ABCB10: variants seen among roughly 807,000 people sequenced by gnomAD.
ABCB10 encodes ATP binding cassette subfamily B member 10.
ABCB10 carries 54 observed loss-of-function variants against 65.4 expected under a neutral mutation model. The observed-to-expected ratio is 0.83, with a 90% CI of 0.66 to 1.04. The LOEUF (loss-of-function observed/expected upper bound fraction) is 1.04. Among genes scored for constraint, ABCB10 ranks in the 50% least tolerant of loss-of-function variants. ABCB10 has a pLI of 0.00. For missense variants in ABCB10, 846 were observed against 976.6 expected (o/e 0.87, Z 1.78); for synonymous variants, 418 against 406.5 (o/e 1.03, Z -0.34).
At chr1:229,557,471 A>T (rs1663283826) in intron 1 of ABCB10, among the ~76,000 whole-genome samples, 1 of 152,252 alleles carries the variant, frequency 6.6e-6, no homozygotes, top group South Asian at 2.1e-4. Context: ...AGGCCCTTGC[A>T]TCTAAACACT....
At chr1:229,519,773 A>C (rs898925869) in intron 11 of ABCB10, among the ~76,000 whole-genome samples, 1 of 152,114 alleles carries the variant, frequency 6.6e-6, no homozygotes, top group Non-Finnish European at 1.5e-5. Context: ...TGGGCGACAG[A>C]GTGAGACTCT....
intron 1 of ABCB10, among the ~76,000 whole-genome samples, chr1:229,552,805 G>A (rs1663148551): frequency 6.6e-6 from 1 of 152,156 alleles, no homozygotes; most frequent in Non-Finnish European, 1.5e-5. Flanking sequence ...GTTTTTCAGA[G>A]AGGAATCTCG....
intron 7 of ABCB10, 52 bp downstream of exon 7, chr1:229,531,584 T>C: frequency 6.4e-7 from 1 of 1,561,594 alleles, no homozygotes; most frequent in Non-Finnish European, 8.8e-7. Flanking sequence ...CTGGTCTCAT[T>C]GTTCAAAGCC....
chr1:229,525,947 A>C lies in ABCB10; in HGVS notation c.1895T>G (p.Val632Gly). ...GTAAAGAAATGCACCTGAGAGGAGA[A>C]CACCCTTTTCTCCAACCACAGTGTT... ...GFNTVVGEKG[V>G]LLSGGQKQRI... Residue 632 changes from valine to glycine, a missense_variant, in exon 10 of 13, where the codon GTT becomes GGT. Transcript: ENST00000344517. The C allele has an allele frequency of 6.2e-7, 1 of 1,613,136 alleles. No individual in the cohort carries two copies. Among genetic ancestry groups the C allele is most frequent in the Non-Finnish European group, 8.5e-7 (1 of 1,179,538 alleles).
chr1:229,545,457 CA>C (rs1662944765), intron 3 of ABCB10, among the ~76,000 whole-genome samples: 1 of 152,126 alleles, frequency 6.6e-6, no homozygotes, highest in Admixed American at 6.6e-5. Flanking sequence ...CTGCACTGCC[CA>C]AAACGATAGC....
chr1:229,517,143 A>C lies in ABCB10; in HGVS notation c.*1036T>G, dbSNP rs1662195463. On this transcript the variant is annotated 3_prime_UTR_variant, in exon 13 of 13. Coordinates refer to ENST00000344517, the MANE Select transcript of ABCB10 (RefSeq NM_012089.3). ...TGAGACTATAAATAAAACTATAACC[A>C]TAAATAAAAGGGCTTATTAATATCT... The C allele has an allele frequency of 6.6e-6, 1 of 152,232 alleles. No homozygotes were observed. Among genetic ancestry groups the C allele is most frequent in the South Asian group, 2.1e-4 (1 of 4,832 alleles). The allele number at this position is 152,232 out of a possible 1,614,324, so 9.4% of individuals were successfully genotyped here.
chr1:229,551,340 A>G (rs527745838), intron 1 of ABCB10, among the ~76,000 whole-genome samples: 1 of 152,040 alleles, frequency 6.6e-6, no homozygotes, highest in East Asian at 1.9e-4. Flanking sequence ...CGAAGCTCCT[A>G]CCTTTCAGCA....
At chr1:229,554,439 G>C (rs994748675) in intron 1 of ABCB10, among the ~76,000 whole-genome samples, 5 of 152,234 alleles carry the variant, frequency 3.3e-5, no homozygotes, top group Non-Finnish European at 5.9e-5. Flanking sequence ...AGGGGTACCT[G>C]TCCCATGAAC....
rs1284944789 is a variant in ABCB10, at chr1:229,542,098, A to T, written c.1056+139T>A. On this transcript the variant is annotated intron_variant, in intron 4 of 12. Transcript: ENST00000344517. ...AAACAGAGTAGTTTAAGTTTCATGG[A>T]TCTTGGGGTAATTTCTAATGAAAGG... 1.0e-5 allele frequency: 12 copies of T among 1,173,568 alleles called. No individual in the cohort carries two copies. In the East Asian group the frequency reaches 2.6e-4, roughly 26 times the overall value. 72.7% of individuals were successfully genotyped at this position (1,173,568 alleles called of 1,614,324 possible). A position where few individuals can be genotyped will look rare whatever the true frequency, so the allele number is the denominator to read the frequency against.
At chr1:229,527,191 AAAG>A (rs1229333381) in intron 9 of ABCB10, 35 bp downstream of exon 9, 13 of 1,557,126 alleles carry the variant, frequency 8.3e-6, no homozygotes, top group Non-Finnish European at 1.1e-5. Context: ...AGTAATTTTA[AAAG>A]AAAGTGAAAT....
rs1662209307 is a variant in ABCB10, at chr1:229,517,782, A to T, written c.*397T>A. 6.0e-6 allele frequency: 1 copy of T among 167,808 alleles called. No homozygotes were observed. The highest frequency in any genetic ancestry group is 6.1e-5 in the Admixed American group (1 of 16,386). 10.4% of individuals were successfully genotyped at this position (167,808 alleles called of 1,614,324 possible). On this transcript the variant is annotated 3_prime_UTR_variant, in exon 13 of 13. Coordinates refer to ENST00000344517, the MANE Select transcript of ABCB10 (RefSeq NM_012089.3). ...GGTAGAATACTACCAGAAGAATTAC[A>T]CAGTGATTGGTAAACTGGCCTAAAA...
At position 229,542,256 on chromosome 1, in the gene ABCB10, G is replaced by T. The variant is rs1662867533; in HGVS notation, c.1037C>A (p.Ser346Tyr). 1 of 1,614,036 alleles carries T rather than the reference G, an allele frequency of 6.2e-7. No homozygotes were observed. Residue 346 changes from serine to tyrosine, a missense_variant, in exon 4 of 13, where the codon TCC (serine) becomes TAC (tyrosine). Ser to Tyr is a moderately radical substitution (Grantham distance 144). Transcript: ENST00000344517. ...CTTTACCTGAGTGGCTTGTGCCAGG[G>T]AATCCTGAGTGACTTTGGTCAGTTT... ...LRKLTKVTQDSLAQATQLAEE... is the reference protein window; with the variant it reads ...LRKLTKVTQDYLAQATQLAEE...
intron 11 of ABCB10, among the ~76,000 whole-genome samples, chr1:229,519,299 A>C (rs981854925): frequency 3.9e-5 from 6 of 152,368 alleles, no homozygotes; most frequent in South Asian, 2.1e-4. Context: ...TTACAAAAAA[A>C]CCCCACAAAT....
At chr1:229,524,622 C>T (rs957073040) in intron 10 of ABCB10, among the ~76,000 whole-genome samples, 6 of 152,144 alleles carry the variant, frequency 3.9e-5, no homozygotes, top group Non-Finnish European at 8.8e-5. Flanking sequence ...ATATGGCAAC[C>T]ATAATGTGAT....
intron 6 of ABCB10, among the ~76,000 whole-genome samples, chr1:229,536,463 T>A (rs1358982579): frequency 6.6e-6 from 1 of 151,106 alleles, no homozygotes; most frequent in African/African-American, 2.4e-5. Flanking sequence ...GCTAGGATTG[T>A]GCTACTGCAC....
intron 3 of ABCB10, among the ~76,000 whole-genome samples, chr1:229,546,064 C>T (rs755623476): frequency 1.3e-5 from 2 of 150,402 alleles, no homozygotes; most frequent in Non-Finnish European, 2.9e-5. Context: ...CCCAGCTACT[C>T]GGGAGGCTGA....
At chr1:229,540,006 C>T (rs1043106472) in intron 5 of ABCB10, among the ~76,000 whole-genome samples, 2 of 152,178 alleles carry the variant, frequency 1.3e-5, no homozygotes, top group African/African-American at 2.4e-5. Flanking sequence ...ACCATGGTTA[C>T]GTGTGTGGTT....
At chr1:229,539,053 T>G (rs559866155) in intron 6 of ABCB10, among the ~76,000 whole-genome samples, 8 of 152,350 alleles carry the variant, frequency 5.3e-5, no homozygotes, top group South Asian at 4.1e-4. Flanking sequence ...CAAAAGGAAT[T>G]TTATTCTCCA....
intron 1 of ABCB10, among the ~76,000 whole-genome samples, chr1:229,555,971 T>C (rs1158103649): frequency 2.3e-5 from 3 of 129,046 alleles, no homozygotes; most frequent in Non-Finnish European, 5.1e-5. Context: ...ATTTATCTGT[T>C]TGAAAAGCAA....
Sources: allele counts gnomAD v4.1 joint callset (sites outside exome capture counted in the v4.1 genomes callset), GRCh38; gene constraint gnomAD v4.1.1; transcripts MANE v1.5; gene names NCBI Gene and HGNC (gene_info 2026-07-23, HGNC 2026-07-21).